The following ADAM10 variants were observed in gnomAD, a reference collection of about 807,000 sequenced individuals.
The protein encoded by ADAM10 is disintegrin and metalloproteinase domain-containing protein 10.
Under a neutral mutation model 90.1 loss-of-function variants are expected in ADAM10, and 17 were observed. That is an observed-to-expected ratio of 0.19 (90% confidence interval 0.13 to 0.28). The LOEUF is 0.28. ADAM10 is among the 10% of genes least tolerant of loss of function. ADAM10 has a pLI of 1.00. For synonymous variants in ADAM10, 310 were observed against 298.6 expected, an observed-to-expected ratio of 1.04 and a Z score of -0.40; for missense variants, 610 against 914.3, an observed-to-expected ratio of 0.67 and a Z score of 4.29.
At chr15:58,600,559 GA>G (rs1895080875) in intron 14 of ADAM10, among the ~76,000 whole-genome samples, 3 of 152,136 alleles carry the variant, frequency 2.0e-5, no homozygotes, top group Non-Finnish European at 4.4e-5. Context: ...AGTGGAAGAA[GA>G]TACATATTTT....
At position 58,691,129 on chromosome 15, in the gene ADAM10, G is replaced by A. The variant is rs139113891; in HGVS notation, c.207-8815C>T. On this transcript the variant is annotated intron_variant, in intron 2 of 15. Coordinates refer to ENST00000260408, the MANE Select transcript of ADAM10 (RefSeq NM_001110.4). ...TAGCTGTAGGTGCTGGTCACAATGC[G>A]GCAGGGTGAAGACACAAGCCTACTG... 2.1e-4 allele frequency: 144 copies of A among 683,418 alleles called. 1 individual carries two copies. The highest frequency in any genetic ancestry group is 3.1e-4 in the Non-Finnish European group (109 of 353,556). The allele number at this position is 683,418 out of a possible 1,614,324, so 42.3% of individuals were successfully genotyped here.
intron 9 of ADAM10, among the ~76,000 whole-genome samples, chr15:58,628,673 A>G (rs74792164): frequency 0.013 from 2,044 of 152,278 alleles, 56 homozygotes; most frequent in African/African-American, 0.047. Flanking sequence ...GATATGCACT[A>G]AAACAACCCT....
intron 14 of ADAM10, among the ~76,000 whole-genome samples, chr15:58,603,493 C>CA (rs1360662384): frequency 6.6e-6 from 1 of 152,180 alleles, no homozygotes; most frequent in Non-Finnish European, 1.5e-5. Context: ...CTAGCTTTCT[C>CA]ACGATGATGG....
At chr15:58,673,388 CAAAA>C (rs35784381) in intron 4 of ADAM10, among the ~76,000 whole-genome samples, 2 of 79,264 alleles carry the variant, frequency 2.5e-5, no homozygotes, top group Non-Finnish European at 5.9e-5. Context: ...CTGTAATTGC[CAAAA>C]AAAAAAAAAA....
intron 14 of ADAM10, 55 bp downstream of exon 14, chr15:58,610,242 T>G: frequency 6.7e-7 from 1 of 1,498,262 alleles, no homozygotes; most frequent in Non-Finnish European, 9.3e-7. Flanking sequence ...TCTGGCCAAG[T>G]AAAATTAAGA....
At chr15:58,727,199 TTTTTTTC>T (rs1309609101) in intron 1 of ADAM10, among the ~76,000 whole-genome samples, 2 of 123,554 alleles carry the variant, frequency 1.6e-5, no homozygotes, top group Non-Finnish European at 3.3e-5. Flanking sequence ...TTTTTTTTTT[TTTTTTTC>T]CCAAAAACAG....
chr15:58,642,439 T>G (rs1313258251), intron 7 of ADAM10, among the ~76,000 whole-genome samples: 3 of 151,638 alleles, frequency 2.0e-5, no homozygotes, highest in Non-Finnish European at 2.9e-5. Context: ...AACTCCAGCC[T>G]GGGCGACAGA....
At chr15:58,617,910 A>C (rs1214648611) in intron 11 of ADAM10, among the ~76,000 whole-genome samples, 3 of 152,096 alleles carry the variant, frequency 2.0e-5, no homozygotes, top group East Asian at 1.9e-4. Flanking sequence ...AAAAAAAAAA[A>C]AACACATTTC....
chr15:58,662,022 T>C (rs1315679326), intron 5 of ADAM10, among the ~76,000 whole-genome samples: 2 of 152,216 alleles, frequency 1.3e-5, no homozygotes, highest in African/African-American at 4.8e-5. Context: ...CCTGTTAACA[T>C]CTGTAATTAA....
At chr15:58,685,979 A>G (rs1338589198) in intron 2 of ADAM10, among the ~76,000 whole-genome samples, 1 of 152,152 alleles carries the variant, frequency 6.6e-6, no homozygotes, top group African/African-American at 2.4e-5. Context: ...CACCTCAAAA[A>G]TACAGTTTTT....
intron 2 of ADAM10, chr15:58,693,242 G>T (rs2096181413): frequency 1.7e-6 from 1 of 589,656 alleles, no homozygotes; most frequent in African/African-American, 1.9e-5. Flanking sequence ...AAGGTGGGCT[G>T]AGTGTCCAAA....
intron 1 of ADAM10, among the ~76,000 whole-genome samples, chr15:58,743,410 C>T (rs775192569): frequency 9.9e-5 from 15 of 152,020 alleles, no homozygotes; most frequent in South Asian, 2.1e-4. Flanking sequence ...CAAAACAATG[C>T]CCCAACTTTA....
At chr15:58,655,687 T>TA (rs57182110) in intron 5 of ADAM10, among the ~76,000 whole-genome samples, 6 of 80,294 alleles carry the variant, frequency 7.5e-5, no homozygotes, top group African/African-American at 3.2e-4. Context: ...CATATATATA[T>TA]TATATATAGT....
rs67378373 is a variant in ADAM10 at position 58,647,248 on chromosome 15, A to ATT, written c.586-1046_586-1045dup. Among the ~76,000 whole-genome samples the ATT allele has an allele frequency of 1.1e-3, 63 of 59,588 alleles. 12 individuals are homozygous for ATT. The highest frequency in any genetic ancestry group is 1.3e-3 in the East Asian group (3 of 2,300). 39.1% of individuals were successfully genotyped at this position (59,588 alleles called of 152,430 possible). Reference sequence around the variant, plus strand: ...TGGCAGCAAAGAGTAGACACTAAGTATTTTTTTTTTTTTTTTTTTTTTTTT... The same window carrying ATT: ...TGGCAGCAAAGAGTAGACACTAAGTATTTTTTTTTTTTTTTTTTTTTTTTTTT... On this transcript the variant is annotated intron_variant, in intron 5 of 15. Transcript: ENST00000260408.
At chr15:58,747,106 T>C (rs1899816536) in intron 1 of ADAM10, among the ~76,000 whole-genome samples, 1 of 152,202 alleles carries the variant, frequency 6.6e-6, no homozygotes, top group Admixed American at 6.5e-5. Flanking sequence ...CATTATGGAA[T>C]TTACTGCTAC....
At chr15:58,682,145 G>A in intron 3 of ADAM10, 51 bp downstream of exon 3, 1 of 1,598,308 alleles carries the variant, frequency 6.3e-7, no homozygotes. Context: ...GAGTATCTTT[G>A]TGTAGAAAAA....
intron 2 of ADAM10, among the ~76,000 whole-genome samples, chr15:58,710,220 G>A (rs1013900452): frequency 3.3e-5 from 5 of 152,194 alleles, no homozygotes; most frequent in South Asian, 2.1e-4. Flanking sequence ...CAGAGGTTGC[G>A]TGAGCCAAGA....
chr15:58,646,001 T>G, intron 6 of ADAM10, 54 bp downstream of exon 6: 2 of 1,586,032 alleles, frequency 1.3e-6, no homozygotes, highest in Non-Finnish European at 1.7e-6. Context: ...AAGGAAAGAA[T>G]AGGCATTATA....
At chr15:58,652,799 T>C (rs1481165911) in intron 5 of ADAM10, among the ~76,000 whole-genome samples, 2 of 139,634 alleles carry the variant, frequency 1.4e-5, no homozygotes, top group African/African-American at 6.3e-5. Flanking sequence ...TGGTAGCAAT[T>C]GCATTGCCTT....
Sources: gnomAD v4.1 joint callset for allele counts (sites outside exome capture counted in the v4.1 genomes callset) on GRCh38, gnomAD v4.1.1 for gene constraint, MANE v1.5 for transcripts, NCBI Gene and HGNC (gene_info 2026-07-23, HGNC 2026-07-21) for gene names.